SLC9C2: variants seen among roughly 807,000 people sequenced by gnomAD.
SLC9C2 encodes solute carrier family 9 member C2 (putative).
Under a neutral mutation model 140.2 loss-of-function variants are expected in SLC9C2, and 75 were observed. The observed-to-expected ratio is 0.53, with a 90% confidence interval of 0.44 to 0.65. SLC9C2 has a LOEUF of 0.65. Among genes scored for constraint, SLC9C2 ranks in the 30% least tolerant of loss-of-function variants. The pLI, the probability that SLC9C2 is intolerant of heterozygous loss-of-function variation, is 0.00. For missense variants in SLC9C2, 1,074 were observed against 1,331.8 expected (o/e 0.81, Z 3.01); for synonymous variants, 375 against 420.9 (o/e 0.89, Z 1.34).
chr1:173,515,307 C>T (rs1660338768), intron 23 of SLC9C2, among the ~76,000 whole-genome samples: 1 of 152,140 alleles, frequency 6.6e-6, no homozygotes. Flanking sequence ...TCAATCATAG[C>T]TTTGTTCTTT....
intron 11 of SLC9C2, among the ~76,000 whole-genome samples, chr1:173,550,621 T>TAGC (rs1663210778): frequency 6.6e-6 from 1 of 151,580 alleles, no homozygotes; most frequent in Admixed American, 6.6e-5. Context: ...ATATTTTTAG[T>TAGC]AGCAACGGGG....
intron 9 of SLC9C2, among the ~76,000 whole-genome samples, chr1:173,559,544 C>A (rs1663954719): frequency 6.6e-6 from 1 of 152,200 alleles, no homozygotes; most frequent in Non-Finnish European, 1.5e-5. Flanking sequence ...CACTGCAGAT[C>A]CCTTGAGGTC....
intron 13 of SLC9C2, among the ~76,000 whole-genome samples, chr1:173,540,594 A>C (rs1044218945): frequency 2.6e-5 from 4 of 152,190 alleles, no homozygotes; most frequent in African/African-American, 7.2e-5. Context: ...ATGCTATCAA[A>C]AGGCAGTACC....
intron 17 of SLC9C2, among the ~76,000 whole-genome samples, chr1:173,533,014 G>GATGAGGT (rs1661695200): frequency 6.6e-6 from 1 of 152,100 alleles, no homozygotes; most frequent in African/African-American, 2.4e-5. Context: ...TAATCAGGAG[G>GATGAGGT]ATGAGGTAGA....
intron 9 of SLC9C2, among the ~76,000 whole-genome samples, chr1:173,572,476 G>A (rs145437637): frequency 1.3e-5 from 2 of 152,284 alleles, no homozygotes; most frequent in East Asian, 3.9e-4. Context: ...CATCCTGAGT[G>A]AAAATGACAG....
intron 23 of SLC9C2, among the ~76,000 whole-genome samples, chr1:173,512,381 T>C (rs1424945127): frequency 6.6e-6 from 1 of 152,292 alleles, no homozygotes; most frequent in East Asian, 1.9e-4. Flanking sequence ...CCTTGTTAGC[T>C]GTGTTCCTAG....
intron 23 of SLC9C2, among the ~76,000 whole-genome samples, chr1:173,511,058 CAG>C (rs1660020022): frequency 1.4e-5 from 1 of 72,524 alleles, no homozygotes; most frequent in Admixed American, 2.3e-4. Context: ...TTTTTTGAGA[CAG>C]AGTCTCACTC....
chr1:173,570,002 A>G (rs1664742549), intron 9 of SLC9C2, among the ~76,000 whole-genome samples: 1 of 152,124 alleles, frequency 6.6e-6, no homozygotes, highest in Non-Finnish European at 1.5e-5. Flanking sequence ...TTAAGGCCCA[A>G]GGGCTCTTCA....
intron 9 of SLC9C2, among the ~76,000 whole-genome samples, chr1:173,561,831 A>G (rs538694889): frequency 2.7e-5 from 4 of 148,526 alleles, no homozygotes; most frequent in African/African-American, 1.0e-4. Context: ...GGACTGACCA[A>G]TCACATAAGA....
At position 173,601,722 on chromosome 1, in the gene SLC9C2, C is replaced by T. The variant is rs1394603509; in HGVS notation, c.55G>A (p.Gly19Arg). 5.6e-6 allele frequency: 9 copies of T among 1,613,928 alleles called. No individual in the cohort carries two copies. Among genetic ancestry groups the T allele is most frequent in the Non-Finnish European group, 7.6e-6 (9 of 1,179,972 alleles). Residue 19 changes from glycine (G) to arginine (R), a missense_variant, in exon 2 of 28, where the codon GGG becomes AGG. Coordinates refer to ENST00000367714, the MANE Select transcript of SLC9C2 (RefSeq NM_178527.4). ...NESNRPDLLC[G>R]QPADYLVEEK... ...TCAACAAGGTAGTCAGCTGGCTGCC[C>T]GCAGAGTAAATCAGGTCTGTTACTT...
chr1:173,535,960 A>G lies in SLC9C2; in HGVS notation c.1656-11T>C, dbSNP rs776569135. ...TAAATACTCATGAATCTAACAGAGA[A>G]AAATGTACATATGTGTTATAATAAA... is the stretch of plus-strand genomic sequence containing the variant. On this transcript the variant is annotated splice_polypyrimidine_tract_variant and intron_variant, in intron 14 of 27. Coordinates refer to ENST00000367714, the MANE Select transcript of SLC9C2 (RefSeq NM_178527.4). 1 of 1,492,190 alleles carries G rather than the reference A, an allele frequency of 6.7e-7. No homozygotes were observed. Among genetic ancestry groups the G allele is most frequent in the Admixed American group, 2.4e-5 (1 of 41,508 alleles). The allele number at this position is 1,492,190 out of a possible 1,614,324, so 92.4% of individuals were successfully genotyped here.
At chr1:173,551,699 T>C (rs1434970857) in intron 11 of SLC9C2, among the ~76,000 whole-genome samples, 2 of 152,154 alleles carry the variant, frequency 1.3e-5, no homozygotes, top group East Asian at 3.9e-4. Context: ...AAGTGTGTGT[T>C]CTGACTGCCC....
intron 9 of SLC9C2, among the ~76,000 whole-genome samples, chr1:173,568,367 TTA>T (rs1461524282): frequency 1.3e-5 from 2 of 151,664 alleles, no homozygotes; most frequent in Non-Finnish European, 2.9e-5. Context: ...CACTTGTAAG[TTA>T]TAACATGTAG....
intron 9 of SLC9C2, among the ~76,000 whole-genome samples, chr1:173,570,097 A>G (rs893876305): frequency 4.6e-5 from 7 of 152,040 alleles, no homozygotes; most frequent in African/African-American, 7.2e-5. Context: ...AAGTTCAAGA[A>G]TGCCTAGGCC....
At chr1:173,545,030 G>A (rs1276444458) in intron 13 of SLC9C2, among the ~76,000 whole-genome samples, 4 of 152,008 alleles carry the variant, frequency 2.6e-5, no homozygotes, top group Non-Finnish European at 5.9e-5. Flanking sequence ...CCAAATCCAG[G>A]GTGCTGCCAG....
In SLC9C2 at chr1:173,576,664, G is replaced by GTAAT. The variant is rs1665200862; in HGVS notation, c.895_898dup (p.Thr300AsnfsTer3). 6.2e-7 allele frequency: 1 copy of GTAAT among 1,604,352 alleles called. No individual in the cohort carries two copies. Among genetic ancestry groups the GTAAT allele is most frequent in the African/African-American group, 1.3e-5 (1 of 74,554 alleles). On this transcript the variant is annotated frameshift_variant, in exon 8 of 28. Transcript: ENST00000367714. LOFTEE classifies it high-confidence loss of function. ...AAGGGCACGATAGGAAACTTACTTA[G>GTAAT]TAATTACAAGTTCGATCTTCGGTTT...
chr1:173,529,743 G>C (rs1232593661), intron 18 of SLC9C2, among the ~76,000 whole-genome samples, 162 bp downstream of exon 18: 2 of 151,780 alleles, frequency 1.3e-5, no homozygotes, highest in African/African-American at 2.4e-5. Flanking sequence ...GTAATGATCA[G>C]AGACTGTTCT....
intron 9 of SLC9C2, among the ~76,000 whole-genome samples, chr1:173,565,557 A>C (rs1313358694): frequency 1.3e-5 from 2 of 152,038 alleles, no homozygotes; most frequent in African/African-American, 4.8e-5. Context: ...TTTCTGTTCC[A>C]TTGGTCTATG....
At chr1:173,507,526 A>ACACACG (rs1659736275) in intron 24 of SLC9C2, among the ~76,000 whole-genome samples, 1 of 152,064 alleles carries the variant, frequency 6.6e-6, no homozygotes, top group South Asian at 2.1e-4. Flanking sequence ...ACACACACAC[A>ACACACG]CACACCACCT....
Sources: gnomAD v4.1 joint callset for allele counts (sites outside exome capture counted in the v4.1 genomes callset) on GRCh38, gnomAD v4.1.1 for gene constraint, MANE v1.5 for transcripts, NCBI Gene and HGNC (gene_info 2026-07-23, HGNC 2026-07-21) for gene names.